Variants in GOLGA4 observed in about 807,000 individuals in gnomAD.
GOLGA4 encodes golgin A4.
Under a neutral mutation model 265.9 loss-of-function variants are expected in GOLGA4, and 169 were observed. The ratio of observed to expected loss-of-function variants is 0.64; its 90% confidence interval spans 0.56 to 0.72. The LOEUF (loss-of-function observed/expected upper bound fraction) is 0.72. Among genes scored for constraint, GOLGA4 ranks in the 30% least tolerant of loss-of-function variants. The probability of loss-of-function intolerance (pLI) is 0.00; values close to 1 mark genes in which losing one functional copy is unlikely to be tolerated. For missense variants in GOLGA4, 2,482 were observed against 2,483.4 expected (o/e 1.00, Z 0.01); for synonymous variants, 923 against 855.8 (o/e 1.08, Z -1.37).
chr3:37,252,914 G>T (rs1266033790), intron 2 of GOLGA4, among the ~76,000 whole-genome samples: 1 of 151,866 alleles, frequency 6.6e-6, no homozygotes. Context: ...CCACTCAGTG[G>T]CTTGCCATTC....
rs771387921 is a variant in GOLGA4 at position 37,325,617 on chromosome 3, A to G, written c.3731A>G (p.Asn1244Ser). 6.2e-7 allele frequency: 1 copy of G among 1,613,754 alleles called. No homozygotes were observed. Among genetic ancestry groups the G allele is most frequent in the Admixed American group, 1.7e-5 (1 of 60,012 alleles). ...ELINISSSKT[N>S]AILSRISHCQ... Reference sequence around the variant, plus strand: ...ATCAACATTAGTAGTAGTAAAACTAATGCCATTCTTTCTAGGATTTCTCAT... The same window carrying G: ...ATCAACATTAGTAGTAGTAAAACTAGTGCCATTCTTTCTAGGATTTCTCAT... The change falls in exon 14 of 24, where the codon AAT becomes AGT. Residue 1244 changes from asparagine to serine, a missense_variant. By Grantham distance (46) the Asn-to-Ser change is conservative. Coordinates refer to ENST00000361924, the MANE Select transcript of GOLGA4 (RefSeq NM_002078.5).
Position 37,299,360 on chromosome 3 carries a change from G to A in GOLGA4, c.1075G>A (p.Glu359Lys), listed in dbSNP as rs2096887021. 6.2e-7 allele frequency: 1 copy of A among 1,608,906 alleles called. No individual in the cohort carries two copies. The highest frequency in any genetic ancestry group is 1.3e-5 in the African/African-American group (1 of 74,810). The change falls in exon 9 of 24, where the codon GAA becomes AAA. Residue 359 changes from glutamate to lysine, a missense_variant. Transcript: ENST00000361924. Reference protein sequence around the residue: ...RDAKNLIEQLEQDKGMVIAET... With the variant: ...RDAKNLIEQLKQDKGMVIAET... ...TGCAAAGAACTTAATTGAACAGCTTGAACAAGATAAGGTAAAACAACAAAA... is the reference window on the plus strand; with the variant it reads ...TGCAAAGAACTTAATTGAACAGCTTAAACAAGATAAGGTAAAACAACAAAA...
At chr3:37,302,484 G>T in intron 10 of GOLGA4, 152 bp downstream of exon 10, 1 of 705,914 alleles carries the variant, frequency 1.4e-6, no homozygotes, top group Non-Finnish European at 2.3e-6. Context: ...AGAGGAGGCA[G>T]AGGTTGGCAA....
chr3:37,308,895 T>G (rs889507630), intron 10 of GOLGA4, among the ~76,000 whole-genome samples: 2 of 152,014 alleles, frequency 1.3e-5, no homozygotes, highest in Non-Finnish European at 2.9e-5. Context: ...ATTTCAGGCG[T>G]GAGCCACTGC....
intron 2 of GOLGA4, among the ~76,000 whole-genome samples, chr3:37,280,665 A>T (rs959256384): frequency 6.6e-6 from 1 of 152,100 alleles, no homozygotes. Context: ...TTCTTTCCAT[A>T]TGTTATTGTT....
At chr3:37,287,214 A>G (rs2096851942) in intron 4 of GOLGA4, among the ~76,000 whole-genome samples, 1 of 152,054 alleles carries the variant, frequency 6.6e-6, no homozygotes, top group Non-Finnish European at 1.5e-5. Context: ...GGTGACGGGC[A>G]CCTGTAATCC....
chr3:37,288,629 A>G (rs1008471136), intron 4 of GOLGA4, among the ~76,000 whole-genome samples: 4 of 151,568 alleles, frequency 2.6e-5, no homozygotes, highest in South Asian at 4.2e-4. Flanking sequence ...GGCGCCTGCC[A>G]CCACGCCTGG....
chr3:37,288,770 G>A (rs9864884), intron 4 of GOLGA4, among the ~76,000 whole-genome samples: 3 of 152,126 alleles, frequency 2.0e-5, no homozygotes, highest in Non-Finnish European at 4.4e-5. Flanking sequence ...GAGCCACTGC[G>A]CCCGGCTGGT....
At chr3:37,357,370 T>C (rs575485773) in intron 22 of GOLGA4, among the ~76,000 whole-genome samples, 20 of 152,304 alleles carry the variant, frequency 1.3e-4, no homozygotes, top group Non-Finnish European at 2.6e-4. Flanking sequence ...ATAGAAGATA[T>C]GGAAGACATT....
intron 2 of GOLGA4, among the ~76,000 whole-genome samples, chr3:37,255,449 C>T (rs764364264): frequency 4.6e-5 from 7 of 152,170 alleles, no homozygotes; most frequent in Non-Finnish European, 8.8e-5. Flanking sequence ...AGGCATGAGT[C>T]ACCACGCCTG....
chr3:37,361,608 CTTTTG>C (rs1000442598), intron 23 of GOLGA4, among the ~76,000 whole-genome samples: 6 of 151,932 alleles, frequency 3.9e-5, no homozygotes, highest in Admixed American at 2.0e-4. Context: ...CTTATTTTCC[CTTTTG>C]TTTTTAATTT....
intron 23 of GOLGA4, among the ~76,000 whole-genome samples, chr3:37,362,640 A>G (rs1413032507): frequency 1.3e-5 from 2 of 151,416 alleles, no homozygotes; most frequent in African/African-American, 4.9e-5. Flanking sequence ...GGCTCAAGGG[A>G]TCCTCCCACC....
intron 9 of GOLGA4, among the ~76,000 whole-genome samples, chr3:37,301,815 G>C (rs1365838361): frequency 1.3e-5 from 2 of 151,788 alleles, no homozygotes; most frequent in African/African-American, 4.8e-5. Context: ...TTGAGACGGA[G>C]TCTCACTCTG....
chr3:37,289,257 A>G lies in GOLGA4; in HGVS notation c.548A>G (p.Asp183Gly). The part of the protein sequence containing the change: ...KLQGILSQSQ[D>G]KSLRRIAELR... Reference sequence around the variant, plus strand: ...AAGGGTATATTAAGTCAGAGTCAGGATAAATCACTTCGGAGAATAGCAGAA... The same window carrying G: ...AAGGGTATATTAAGTCAGAGTCAGGGTAAATCACTTCGGAGAATAGCAGAA... Residue 183 changes from aspartate to glycine, a missense_variant, in exon 5 of 24, where the codon GAT becomes GGT. Around this residue, in one of 3 missense-constraint regions of GOLGA4, gnomAD observed 1,536 missense variants for 1,483.7 expected, o/e 1.04. Transcript: ENST00000361924. 4 of 1,597,178 alleles carry G rather than the reference A, an allele frequency of 2.5e-6. No individual in the cohort carries two copies. Among genetic ancestry groups the G allele is most frequent in the African/African-American group, 1.3e-5 (1 of 74,608 alleles).
chr3:37,296,020 C>A (rs1393094905), intron 6 of GOLGA4, 67 bp from the exon 7 acceptor site: 2 of 1,412,496 alleles, frequency 1.4e-6, no homozygotes, highest in African/African-American at 1.4e-5. Flanking sequence ...CCACAGATAC[C>A]AAGGGACAAT....
Position 37,327,103 on chromosome 3 carries a change from T to C in GOLGA4, c.5217T>C (p.Ser1739=). The part of the protein sequence containing the change: ...CVQKTYEEKI[S]VLQRNLTEKE... Reference sequence around the variant, plus strand: ...AGAAGACATATGAAGAAAAAATCAGTGTTTTACAAAGAAACTTAACTGAAA... The same window carrying C: ...AGAAGACATATGAAGAAAAAATCAGCGTTTTACAAAGAAACTTAACTGAAA... Residue 1739 remains serine (S), a synonymous_variant, in exon 14 of 24, where the codon AGT becomes AGC. Transcript: ENST00000361924. 1 of 1,613,566 alleles carries C rather than the reference T, an allele frequency of 6.2e-7. No individual in the cohort carries two copies. Among genetic ancestry groups the C allele is most frequent in the South Asian group, 1.1e-5 (1 of 91,034 alleles).
intron 21 of GOLGA4, among the ~76,000 whole-genome samples, chr3:37,353,283 T>G (rs1408669465): frequency 6.6e-6 from 1 of 151,884 alleles, no homozygotes; most frequent in Non-Finnish European, 1.5e-5. Flanking sequence ...GTTAGAAAAA[T>G]GGCACCAATA....
chr3:37,273,833 C>T (rs1453942541), intron 2 of GOLGA4, among the ~76,000 whole-genome samples: 2 of 152,136 alleles, frequency 1.3e-5, no homozygotes, highest in African/African-American at 4.8e-5. Context: ...CACTGTGGCT[C>T]CCGCCTGTCT....
In GOLGA4 at chr3:37,324,656, A is replaced by G. The variant is rs893938150; in HGVS notation, c.2770A>G (p.Ile924Val). The change falls in exon 14 of 24, where the codon ATT (isoleucine) becomes GTT (valine). Residue 924 changes from isoleucine (I) to valine (V), a missense_variant. Coordinates refer to ENST00000361924, the MANE Select transcript of GOLGA4 (RefSeq NM_002078.5). The part of the protein sequence containing the change: ...LQMREGQKKE[I>V]EILTQKLSAK... ...AATGAGAGAAGGACAGAAGAAAGAA[A>G]TTGAGATACTCACACAGAAATTGTC... The G allele has an allele frequency of 5.6e-6, 9 of 1,612,988 alleles. No individual in the cohort carries two copies. Among genetic ancestry groups the G allele is most frequent in the Non-Finnish European group, 7.6e-6 (9 of 1,179,490 alleles).
Sources: allele counts gnomAD v4.1 joint callset (sites outside exome capture counted in the v4.1 genomes callset), GRCh38; gene constraint gnomAD v4.1.1; regional missense constraint gnomAD v4.1.1; transcripts MANE v1.5; gene names NCBI Gene and HGNC (gene_info 2026-07-23, HGNC 2026-07-21).